Variants in ARMC3 observed in about 807,000 individuals in gnomAD.
ARMC3 encodes armadillo repeat-containing protein 3.
A neutral mutation model predicts 90.3 loss-of-function variants in ARMC3; 74 were observed. The ratio of observed to expected loss-of-function variants is 0.82; its 90% CI spans 0.68 to 0.99. The LOEUF (loss-of-function observed/expected upper bound fraction) is 0.99, where lower values mean the gene tolerates loss of function less well. Ranked by LOEUF, ARMC3 falls within the 50% of genes least tolerant of loss-of-function variation. The pLI is 0.00. For synonymous variants in ARMC3, 334 were observed against 361.8 expected (o/e 0.92, Z 0.87); for missense variants, 958 against 1,042.8 (o/e 0.92, Z 1.12).
At chr10:23,030,346 G>GT (rs1230126744) in intron 16 of ARMC3, among the ~76,000 whole-genome samples, 1 of 152,084 alleles carries the variant, frequency 6.6e-6, no homozygotes, top group Admixed American at 6.6e-5. Context: ...GTTTCTGTGG[G>GT]TTTTACATAG....
At chr10:22,940,436 T>C (rs1441578765) in intron 2 of ARMC3, among the ~76,000 whole-genome samples, 2 of 152,228 alleles carry the variant, frequency 1.3e-5, no homozygotes, top group African/African-American at 4.8e-5. Flanking sequence ...TGGATACAGA[T>C]ACATTGCTGG....
At chr10:22,953,215 G>A (rs1322137046) in intron 3 of ARMC3, among the ~76,000 whole-genome samples, 1 of 152,094 alleles carries the variant, frequency 6.6e-6, no homozygotes, top group African/African-American at 2.4e-5. Context: ...ATGCTACCTG[G>A]AAAAGAAAAG....
intron 10 of ARMC3, among the ~76,000 whole-genome samples, chr10:22,990,478 C>A (rs1441063436): frequency 1.3e-5 from 2 of 152,236 alleles, no homozygotes; most frequent in African/African-American, 4.8e-5. Flanking sequence ...ACCCTTGTGG[C>A]TCACTGAATG....
chr10:23,020,107 A>C (rs1838447884), intron 16 of ARMC3, among the ~76,000 whole-genome samples: 1 of 151,428 alleles, frequency 6.6e-6, no homozygotes, highest in Admixed American at 6.6e-5. Context: ...GTGTGTGTGA[A>C]TGTAAGTTTT....
chr10:23,023,727 A>G (rs1393385052), intron 16 of ARMC3, among the ~76,000 whole-genome samples: 1 of 152,228 alleles, frequency 6.6e-6, no homozygotes, highest in African/African-American at 2.4e-5. Context: ...GAAGGATACA[A>G]TAATAAAATG....
At chr10:23,025,598 G>A (rs12241464) in intron 16 of ARMC3, among the ~76,000 whole-genome samples, 2 of 152,054 alleles carry the variant, frequency 1.3e-5, no homozygotes, top group Non-Finnish European at 1.5e-5. Context: ...TTCAGGGAGT[G>A]TTGAGAGGAA....
At chr10:22,948,206 A>G (rs755624738) in intron 3 of ARMC3, among the ~76,000 whole-genome samples, 15 of 152,160 alleles carry the variant, frequency 9.9e-5, no homozygotes, top group East Asian at 1.9e-4. Flanking sequence ...GGAAGTTACT[A>G]TATCTTTTTG....
At chr10:22,952,903 G>C (rs1380425539) in intron 3 of ARMC3, among the ~76,000 whole-genome samples, 1 of 152,178 alleles carries the variant, frequency 6.6e-6, no homozygotes, top group African/African-American at 2.4e-5. Flanking sequence ...TTACCGTGTG[G>C]GGTAGGTAGA....
intron 16 of ARMC3, among the ~76,000 whole-genome samples, chr10:23,018,586 T>G (rs1017015974): frequency 3.4e-5 from 5 of 148,334 alleles, no homozygotes; most frequent in African/African-American, 1.3e-4. Context: ...GCTCAATCTC[T>G]GCTCACTGCA....
At chr10:22,982,208 C>A (rs2131340466) in intron 10 of ARMC3, among the ~76,000 whole-genome samples, 2 of 152,264 alleles carry the variant, frequency 1.3e-5, no homozygotes, top group South Asian at 4.1e-4. Flanking sequence ...GAAGCCCCAT[C>A]TATACTAAAA....
chr10:22,978,024 A>G (rs1836006966), intron 8 of ARMC3, among the ~76,000 whole-genome samples: 1 of 152,204 alleles, frequency 6.6e-6, no homozygotes, highest in African/African-American at 2.4e-5. Context: ...CAGTGCTAGA[A>G]GATAGGTTAA....
chr10:22,962,993 GT>G (rs943873640), intron 7 of ARMC3, among the ~76,000 whole-genome samples: 1 of 152,108 alleles, frequency 6.6e-6, no homozygotes, highest in East Asian at 1.9e-4. Context: ...ATTTTATCCT[GT>G]TTTTTAAAAG....
At chr10:22,969,450 T>C (rs1054993572) in intron 8 of ARMC3, among the ~76,000 whole-genome samples, 2 of 152,234 alleles carry the variant, frequency 1.3e-5, no homozygotes. Flanking sequence ...TGTATATTGA[T>C]ATGTATACTA....
At chr10:22,937,004 C>A (rs369725538) in intron 2 of ARMC3, among the ~76,000 whole-genome samples, 3 of 152,150 alleles carry the variant, frequency 2.0e-5, no homozygotes, top group East Asian at 3.9e-4. Flanking sequence ...CCCAGCTCAA[C>A]TGATCCTCCC....
At chr10:22,963,687 C>T (rs1341413735) in intron 7 of ARMC3, among the ~76,000 whole-genome samples, 2 of 151,692 alleles carry the variant, frequency 1.3e-5, no homozygotes, top group Non-Finnish European at 2.9e-5. Context: ...GTCAGGAGAT[C>T]GAGACCGTCT....
intron 16 of ARMC3, among the ~76,000 whole-genome samples, chr10:23,028,611 G>A (rs375793710): frequency 3.9e-5 from 6 of 152,150 alleles, no homozygotes; most frequent in African/African-American, 9.7e-5. Flanking sequence ...GCAGACAATT[G>A]ACTAAGTTGA....
At chr10:23,014,371 T>TA (rs1283279890) in intron 16 of ARMC3, 78 of 1,289,930 alleles carry the variant, frequency 6.0e-5, no homozygotes, top group Non-Finnish European at 7.2e-5. Context: ...AGGGGTAGAT[T>TA]AGCCATAGCC....
At chr10:22,930,937 T>C (rs923707263) in intron 1 of ARMC3, among the ~76,000 whole-genome samples, 17 of 92,896 alleles carry the variant, frequency 1.8e-4, no homozygotes, top group African/African-American at 8.9e-4. Context: ...AAAAGTTTCT[T>C]TTTTTTTTTT....
intron 11 of ARMC3, among the ~76,000 whole-genome samples, chr10:23,000,116 C>T (rs966668374): frequency 5.3e-5 from 8 of 152,056 alleles, no homozygotes; most frequent in African/African-American, 9.7e-5. Flanking sequence ...TCAATGGGAA[C>T]GTTAAGCTGC....
Sources: allele counts gnomAD v4.1 joint callset (sites outside exome capture counted in the v4.1 genomes callset), GRCh38; gene constraint gnomAD v4.1.1; transcripts MANE v1.5; gene names NCBI Gene and HGNC (gene_info 2026-07-23, HGNC 2026-07-21).